Variants in AKAP9 observed in about 807,000 individuals in gnomAD.
AKAP9 encodes A-kinase anchoring protein 9.
AKAP9 carries 311 observed loss-of-function variants against 488.5 expected under a neutral mutation model. The ratio of observed to expected loss-of-function variants is 0.64; its 90% CI spans 0.58 to 0.70. AKAP9 has a LOEUF of 0.70. Among genes scored for constraint, AKAP9 ranks in the 30% least tolerant of loss-of-function variants. The pLI is 0.00. For synonymous variants in AKAP9, 1,462 were observed against 1,483.5 expected (o/e 0.99, Z 0.33); for missense variants, 4,215 against 4,374.5 (o/e 0.96, Z 1.03).
intron 38 of AKAP9, chr7:92,092,321 A>AGACTCC (rs1815769805): frequency 6.6e-6 from 1 of 152,234 alleles, no homozygotes. Flanking sequence ...TTCTGGGAAC[A>AGACTCC]GACTCCTATT....
intron 14 of AKAP9, among the ~76,000 whole-genome samples, chr7:92,026,823 C>T (rs1197131462): frequency 8.6e-5 from 13 of 151,466 alleles, no homozygotes; most frequent in Middle Eastern, 3.4e-3. Flanking sequence ...CCCCTCTGCC[C>T]GGCCGCCCCG....
chr7:92,010,824 A>G (rs1225748512), intron 8 of AKAP9, among the ~76,000 whole-genome samples: 3 of 151,940 alleles, frequency 2.0e-5, no homozygotes, highest in African/African-American at 7.3e-5. Context: ...TGGCTAATTT[A>G]TTATTATTTT....
In AKAP9 at chr7:92,038,430, A is replaced by G. The variant is rs1391898100; in HGVS notation, c.4350A>G (p.Ser1450=). 1 of 1,612,068 alleles carries G rather than the reference A, an allele frequency of 6.2e-7. No individual in the cohort carries two copies. Among genetic ancestry groups the G allele is most frequent in the Non-Finnish European group, 8.5e-7 (1 of 1,178,390 alleles). ...TTTTATTTCTTTAGGTTATTGTGTC[A>G]ATGAGTATAGCATTTGCTCAACAAA... ...LEEEVAKVIV[S]MSIAFAQQTE... The change falls in exon 17 of 50, where the codon TCA becomes TCG. Residue 1450 remains serine, a synonymous_variant. Coordinates refer to ENST00000356239, the MANE Select transcript of AKAP9 (RefSeq NM_005751.5).
intron 1 of AKAP9, among the ~76,000 whole-genome samples, chr7:91,963,550 C>G (rs1431989806): frequency 6.6e-6 from 1 of 151,386 alleles, no homozygotes; most frequent in East Asian, 2.0e-4. Flanking sequence ...CGGAGTCTTG[C>G]TCTGTCGCCC....
At chr7:92,012,208 A>G (rs1800838598) in intron 8 of AKAP9, among the ~76,000 whole-genome samples, 1 of 152,222 alleles carries the variant, frequency 6.6e-6, no homozygotes, top group Non-Finnish European at 1.5e-5. Context: ...GCTATACCAA[A>G]TATCACAATT....
Position 92,099,732 on chromosome 7 carries a change from A to C in AKAP9, c.10759A>C (p.Arg3587=). 6.2e-7 allele frequency: 1 copy of C among 1,614,068 alleles called. No homozygotes were observed. The highest frequency in any genetic ancestry group is 8.5e-7 in the Non-Finnish European group (1 of 1,179,970). ...PSTSCGSLTE[R]LLRQNAELTG... is the part of the protein sequence containing the mutation. ...TACTTCTTGTGGCTCATTGACTGAA[A>C]GACTACTGAGACAAAATGCTGAGCT... is the stretch of plus-strand genomic sequence containing the variant. The change falls in exon 44 of 50, where the codon AGA becomes CGA. Residue 3587 remains arginine, a synonymous_variant. Transcript: ENST00000356239.
intron 21 of AKAP9, among the ~76,000 whole-genome samples, chr7:92,049,628 T>G (rs1011328297): frequency 6.6e-6 from 1 of 151,788 alleles, no homozygotes; most frequent in Admixed American, 6.6e-5. Context: ...ATAATAATAA[T>G]AAAATAAATA....
intron 1 of AKAP9, among the ~76,000 whole-genome samples, chr7:91,964,975 A>G (rs1391723428): frequency 2.0e-5 from 3 of 152,198 alleles, no homozygotes; most frequent in African/African-American, 7.2e-5. Context: ...ATAGTTTGTA[A>G]GGATCAAATC....
At chr7:92,067,455 C>CCT (rs34712940) in intron 26 of AKAP9, among the ~76,000 whole-genome samples, 63,313 of 151,872 alleles carry the variant, frequency 0.42, 13,691 homozygotes, top group African/African-American at 0.52. Context: ...CCTTGATTCT[C>CCT]CTTTCTCTCA....
chr7:92,029,910 G>A lies in AKAP9; in HGVS notation c.4164G>A (p.Ser1388=), dbSNP rs146831402. ...TTATATTCAGCTTACCTGTTGATTC[G>A]GTGGTAATTACAGAATCTGATGCAC... ...STVPPSLPVD[S]VVITESDAQR... Residue 1388 remains serine, a synonymous_variant, in exon 15 of 50, where the codon TCG becomes TCA. Coordinates refer to ENST00000356239, the MANE Select transcript of AKAP9 (RefSeq NM_005751.5). 474 of 1,611,912 alleles carry A rather than the reference G, an allele frequency of 2.9e-4. 4 individuals are homozygous for A. Among genetic ancestry groups the A allele is most frequent in the Admixed American group, 2.5e-4 (15 of 59,972 alleles).
Position 92,093,158 on chromosome 7 carries a change from C to T in AKAP9, c.9420C>T (p.Leu3140=), listed in dbSNP as rs768463830. 1.2e-6 allele frequency: 2 copies of T among 1,614,100 alleles called. No homozygotes were observed. The highest frequency in any genetic ancestry group is 1.1e-5 in the South Asian group (1 of 91,084). The change falls in exon 39 of 50, where the codon CTC becomes CTT. Residue 3140 remains leucine, a synonymous_variant. Transcript: ENST00000356239. The part of the protein sequence containing the change: ...QSQMLEMQVE[L]SSMKDRATEL... The stretch of plus-strand genomic sequence containing the variant: ...AAATGCTGGAGATGCAAGTGGAGCT[C>T]AGCAGTATGAAAGACAGAGCAACGG...
intron 3 of AKAP9, among the ~76,000 whole-genome samples, chr7:91,986,801 C>T (rs935450850): frequency 3.3e-5 from 5 of 151,744 alleles, no homozygotes; most frequent in East Asian, 1.9e-4. Context: ...TAAGTACTAC[C>T]GATAAAACTT....
chr7:91,999,367 G>C (rs1030565917), intron 7 of AKAP9, among the ~76,000 whole-genome samples: 30 of 152,026 alleles, frequency 2.0e-4, no homozygotes, highest in African/African-American at 6.8e-4. Flanking sequence ...CTGGGATCAC[G>C]GGCGCCCAGC....
Position 91,982,166 on chromosome 7 carries a change from CGTATGTATGTAT to C in AKAP9, c.351+1863_351+1874del, listed in dbSNP as rs201231009. On this transcript the variant is annotated intron_variant, in intron 3 of 49. Coordinates refer to ENST00000356239, the MANE Select transcript of AKAP9 (RefSeq NM_005751.5). ...TTTGTCATTCTAAGTATTTTACGTA[CGTATGTATGTAT>C]GTATGTATGTATGTATGTATGTATG... is the stretch of plus-strand genomic sequence containing the variant. Among the ~76,000 whole-genome samples, 576 of 150,366 alleles carry C rather than the reference CGTATGTATGTAT, an allele frequency of 3.8e-3. 4 individuals are homozygous for C. Among genetic ancestry groups the C allele is most frequent in the Non-Finnish European group, 5.6e-3 (382 of 67,702 alleles).
In AKAP9 at chr7:92,001,374, A is replaced by T. The variant is rs748637545; in HGVS notation, c.1457A>T (p.Asp486Val). The T allele has an allele frequency of 1.9e-5, 31 of 1,613,716 alleles. No homozygotes were observed. The highest frequency in any genetic ancestry group is 2.6e-5 in the Non-Finnish European group (31 of 1,179,798). ...TATTCAAATATTACAGTTAATGAAG[A>T]TCAGATAAAGTTAATGAATGTGGCA... ...RSYSNITVNE[D>V]QIKLMNVAIN... The change falls in exon 8 of 50, where the codon GAT becomes GTT. Residue 486 changes from aspartate to valine, a missense_variant. Around this residue, in one of 5 missense-constraint regions of AKAP9, gnomAD observed 2,361 missense variants for 2,430.0 expected, o/e 0.97. Coordinates refer to ENST00000356239, the MANE Select transcript of AKAP9 (RefSeq NM_005751.5).
At chr7:92,050,138 C>T (rs1005479619) in intron 21 of AKAP9, among the ~76,000 whole-genome samples, 44 of 150,528 alleles carry the variant, frequency 2.9e-4, no homozygotes, top group African/African-American at 9.8e-4. Flanking sequence ...AATCTTGGCT[C>T]ACTGCAACCT....
At chr7:92,037,077 A>T (rs1805326596) in intron 16 of AKAP9, among the ~76,000 whole-genome samples, 1 of 152,274 alleles carries the variant, frequency 6.6e-6, no homozygotes, top group South Asian at 2.1e-4. Flanking sequence ...TAAATATGTG[A>T]CCTTTGATGT....
intron 32 of AKAP9, 21 bp from the exon 33 acceptor site, chr7:92,083,149 G>T (rs1216971509): frequency 2.5e-6 from 4 of 1,612,746 alleles, no homozygotes; most frequent in Middle Eastern, 1.6e-4. Flanking sequence ...ATGCCCTACT[G>T]TTCTATTCAT....
chr7:91,996,649 C>T (rs11973557), intron 7 of AKAP9, among the ~76,000 whole-genome samples: 1,600 of 152,220 alleles, frequency 0.011, 25 homozygotes, highest in African/African-American at 0.037. Context: ...ACTAAAAGCA[C>T]CATGAGCATT....
Sources: allele counts gnomAD v4.1 joint callset (sites outside exome capture counted in the v4.1 genomes callset), GRCh38; gene constraint gnomAD v4.1.1; regional missense constraint gnomAD v4.1.1; transcripts MANE v1.5; gene names NCBI Gene and HGNC (gene_info 2026-07-23, HGNC 2026-07-21).